The following DMD variants were observed in gnomAD, a reference collection of about 807,000 sequenced individuals.
DMD encodes dystrophin.
In DMD, 63 loss-of-function variants were observed where a neutral mutation model predicts 330.1. The ratio of observed to expected loss-of-function variants is 0.19; its 90% confidence interval spans 0.16 to 0.24. DMD has a LOEUF of 0.24. Ranked by LOEUF, DMD falls within the 10% of genes least tolerant of loss-of-function variation. The pLI, the probability that DMD is intolerant of heterozygous loss-of-function variation, is 1.00. For synonymous variants in DMD, 1,223 were observed against 959.8 expected, an observed-to-expected ratio of 1.27 and a Z score of -5.07; for missense variants, 3,344 against 2,684.1, an observed-to-expected ratio of 1.25 and a Z score of -5.43.
intron 1 of DMD, among the ~76,000 whole-genome samples, chrX:33,293,211 T>C (rs1169501585): frequency 9.0e-6 from 1 of 111,544 alleles, no homozygotes; most frequent in African/African-American, 3.3e-5. Context: ...GTGCCTAATA[T>C]AGTACCTTGG....
At chrX:31,569,974 A>T (rs1433766088) in intron 55 of DMD, among the ~76,000 whole-genome samples, 2 of 110,921 alleles carry the variant, frequency 1.8e-5, no homozygotes, top group African/African-American at 6.5e-5. Context: ...TTATCTAAAC[A>T]TTTAAACAAA....
intron 50 of DMD, among the ~76,000 whole-genome samples, chrX:31,786,982 C>T (rs1461917059): frequency 8.9e-6 from 1 of 112,535 alleles, no homozygotes; most frequent in Non-Finnish European, 1.9e-5. Context: ...AATCTCATCT[C>T]TGACACCGTA....
intron 44 of DMD, among the ~76,000 whole-genome samples, chrX:32,050,727 A>G (rs1383169828): frequency 9.0e-6 from 1 of 111,142 alleles, no homozygotes; most frequent in African/African-American, 3.3e-5. Flanking sequence ...CCAGTTCAAA[A>G]TGCTTCACCA....
At chrX:31,827,030 T>A (rs2092908869) in intron 49 of DMD, among the ~76,000 whole-genome samples, 1 of 112,320 alleles carries the variant, frequency 8.9e-6, no homozygotes, top group Non-Finnish European at 1.9e-5. Context: ...AAGACAACTA[T>A]ATCAAACTAT....
chrX:32,784,412 A>G (rs1207103365), intron 7 of DMD, among the ~76,000 whole-genome samples: 1 of 111,949 alleles, frequency 8.9e-6, no homozygotes, highest in Non-Finnish European at 1.9e-5. Context: ...AAACGTGTGG[A>G]CTTACAATGA....
chrX:32,652,863 G>A (rs1359889622), intron 9 of DMD, among the ~76,000 whole-genome samples: 1 of 111,812 alleles, frequency 8.9e-6, no homozygotes, highest in African/African-American at 3.3e-5. Flanking sequence ...TTCTAACTAT[G>A]TGCAATGGTA....
chrX:33,309,494 C>CAAAT (rs777600806), intron 1 of DMD, among the ~76,000 whole-genome samples: 1 of 110,655 alleles, frequency 9.0e-6, no homozygotes, highest in African/African-American at 3.3e-5. Context: ...AATAAATGAA[C>CAAAT]AAATAAATAA....
chrX:32,082,482 T>C (rs930027690), intron 44 of DMD, among the ~76,000 whole-genome samples: 1 of 111,214 alleles, frequency 9.0e-6, no homozygotes, highest in African/African-American at 3.3e-5. Context: ...GGTCTTGAAC[T>C]GCTAGCCTCA....
intron 4 of DMD, among the ~76,000 whole-genome samples, chrX:32,828,508 T>C (rs1403266903): frequency 2.7e-5 from 3 of 109,546 alleles, no homozygotes; most frequent in Non-Finnish European, 5.7e-5. Context: ...CATATATATA[T>C]ACGCATCATT....
At chrX:32,783,456 TA>T (rs947210786) in intron 7 of DMD, among the ~76,000 whole-genome samples, 54 of 107,100 alleles carry the variant, frequency 5.0e-4, no homozygotes, top group Non-Finnish European at 1.6e-4. Flanking sequence ...GTTTCCCAAA[TA>T]AAAAAATATT....
At chrX:31,914,522 C>T (rs1330600711) in intron 47 of DMD, among the ~76,000 whole-genome samples, 2 of 112,163 alleles carry the variant, frequency 1.8e-5, no homozygotes, top group Admixed American at 1.9e-4. Flanking sequence ...AAACGTGGTA[C>T]ATATACACAA....
intron 2 of DMD, among the ~76,000 whole-genome samples, chrX:32,992,649 G>T (rs758702561): frequency 9.0e-6 from 1 of 110,683 alleles, no homozygotes; most frequent in East Asian, 2.8e-4. Context: ...GCCAGGTGGG[G>T]TAATCTCAGT....
chrX:33,317,994 T>A (rs2053957643), intron 1 of DMD, among the ~76,000 whole-genome samples: 1 of 111,526 alleles, frequency 9.0e-6, no homozygotes, highest in Non-Finnish European at 1.9e-5. Context: ...AATGAAATCA[T>A]CATCATCATT....
At position 33,092,571 on chromosome X, in the gene DMD, G is replaced by T. The variant is rs192550025; in HGVS notation, c.32-72371C>A. Among the ~76,000 whole-genome samples, 4 of 110,712 alleles carry T rather than the reference G, an allele frequency of 3.6e-5. No individual in the cohort carries two copies. In the Admixed American group the frequency reaches 3.9e-4, roughly 11 times the overall value. ...TTTCCGTTTTCTTTGGCTTCTAGGGGTCCCAGAATAACATACGAATCAATT... is the reference window on the plus strand; with the variant it reads ...TTTCCGTTTTCTTTGGCTTCTAGGGTTCCCAGAATAACATACGAATCAATT... On this transcript the variant is annotated intron_variant, in intron 1 of 78. Coordinates refer to ENST00000357033, the MANE Select transcript of DMD (RefSeq NM_004006.3).
chrX:31,387,792 C>T lies in DMD; in HGVS notation c.9085-39158G>A, dbSNP rs192714981. On this transcript the variant is annotated intron_variant, in intron 60 of 78. Coordinates refer to ENST00000357033, the MANE Select transcript of DMD (RefSeq NM_004006.3). ...TGGGACACAATTCCTCATGAACTTT[C>T]GGGTCTCCCTCCCCACTTCTTTCAG... is the stretch of plus-strand genomic sequence containing the variant. Among the ~76,000 whole-genome samples, 328 of 110,819 alleles carry T rather than the reference C, an allele frequency of 3.0e-3. 1 individual carries two copies. The highest frequency in any genetic ancestry group is 1.0e-2 in the African/African-American group (304 of 30,476).
chrX:31,479,668 C>T (rs1306063479), intron 57 of DMD, among the ~76,000 whole-genome samples: 1 of 112,273 alleles, frequency 8.9e-6, no homozygotes, highest in East Asian at 2.8e-4. Context: ...TCCATTGTGA[C>T]CTCTTTGAGA....
intron 7 of DMD, among the ~76,000 whole-genome samples, chrX:32,700,106 C>T (rs2063981271): frequency 8.9e-6 from 1 of 111,756 alleles, no homozygotes; most frequent in Non-Finnish European, 1.9e-5. Context: ...TTAAAATTTA[C>T]TTACTGCACT....
intron 51 of DMD, among the ~76,000 whole-genome samples, chrX:31,756,145 C>T (rs2089059353): frequency 9.0e-6 from 1 of 110,956 alleles, no homozygotes; most frequent in Admixed American, 9.6e-5. Context: ...ATCATTGCCT[C>T]CCACCCTCTG....
intron 2 of DMD, among the ~76,000 whole-genome samples, chrX:32,934,501 G>A (rs746939686): frequency 3.6e-5 from 4 of 110,836 alleles, no homozygotes; most frequent in Non-Finnish European, 5.7e-5. Context: ...GAGAAATACC[G>A]CATCTCTAAA....
Sources: allele counts gnomAD v4.1 joint callset (sites outside exome capture counted in the v4.1 genomes callset), GRCh38; gene constraint gnomAD v4.1.1; transcripts MANE v1.5; gene names NCBI Gene and HGNC (gene_info 2026-07-23, HGNC 2026-07-21).